PDE3A: variants seen among roughly 807,000 people sequenced by gnomAD.
PDE3A encodes phosphodiesterase 3A, also known as cGMP-inhibited 3',5'-cyclic phosphodiesterase 3A.
PDE3A carries 43 observed loss-of-function variants against 98.3 expected under a neutral mutation model. That is an observed-to-expected ratio of 0.44 (90% CI 0.34 to 0.56). The LOEUF is 0.56. Ranked by LOEUF, PDE3A falls within the 20% of genes least tolerant of loss-of-function variation. PDE3A has a pLI of 0.01. For missense variants in PDE3A, 1,427 were observed against 1,440.7 expected, an observed-to-expected ratio of 0.99 and a Z score of 0.15; for synonymous variants, 663 against 567.9, an observed-to-expected ratio of 1.17 and a Z score of -2.38.
chr12:20,515,602 C>T (rs1198625721), intron 1 of PDE3A, among the ~76,000 whole-genome samples: 1 of 152,192 alleles, frequency 6.6e-6, no homozygotes, highest in Non-Finnish European at 1.5e-5. Context: ...AATAAACTGA[C>T]CTTCCACTGG....
intron 1 of PDE3A, among the ~76,000 whole-genome samples, chr12:20,534,248 C>T (rs1206806497): frequency 3.3e-5 from 5 of 152,202 alleles, no homozygotes; most frequent in Non-Finnish European, 5.9e-5. Context: ...TTTCGTCTCT[C>T]TTACATAACC....
chr12:20,656,805 A>T (rs1437893609), intron 15 of PDE3A, among the ~76,000 whole-genome samples: 1 of 152,212 alleles, frequency 6.6e-6, no homozygotes, highest in Admixed American at 6.5e-5. Flanking sequence ...CATGGAAAAT[A>T]CAGACGCACA....
intron 1 of PDE3A, among the ~76,000 whole-genome samples, chr12:20,422,157 T>A (rs371486168): frequency 6.6e-6 from 1 of 152,096 alleles, no homozygotes; most frequent in South Asian, 2.1e-4. Context: ...CCATCCTGGC[T>A]AACACGGTGA....
At chr12:20,451,862 A>G (rs1281483789) in intron 1 of PDE3A, among the ~76,000 whole-genome samples, 1 of 152,126 alleles carries the variant, frequency 6.6e-6, no homozygotes, top group Non-Finnish European at 1.5e-5. Context: ...CATGGCACAC[A>G]GTTGTTTATT....
At chr12:20,604,676 TA>T (rs1943670430) in intron 2 of PDE3A, among the ~76,000 whole-genome samples, 1 of 152,196 alleles carries the variant, frequency 6.6e-6, no homozygotes, top group Admixed American at 6.5e-5. Context: ...CTGGGAATTT[TA>T]AAAAGTTTTT....
At chr12:20,472,034 T>A (rs1192521991) in intron 1 of PDE3A, among the ~76,000 whole-genome samples, 1 of 152,146 alleles carries the variant, frequency 6.6e-6, no homozygotes, top group African/African-American at 2.4e-5. Flanking sequence ...GGCAGCTACA[T>A]CCCCACCCTC....
rs146872420 is a variant in PDE3A, at chr12:20,528,594, G to A, written c.961-28066G>A. Among the ~76,000 whole-genome samples the A allele has an allele frequency of 5.1e-4, 77 of 152,272 alleles. 2 individuals carry two copies. In the East Asian group the frequency reaches 0.015, roughly 29 times the overall value. On this transcript the variant is annotated intron_variant, in intron 1 of 15. Transcript: ENST00000359062. ...GGCCATTGTCTTCCTAGTACTTACT[G>A]CATCTACAATAATTTAGTCATAAGA... is the stretch of plus-strand genomic sequence containing the variant.
At position 20,577,936 on chromosome 12, in the gene PDE3A, C is replaced by T. The variant is rs149504476; in HGVS notation, c.1011+21226C>T. ...TGGGAAGGAAGTAGAGGTGTGAATT[C>T]GGAAACAAGCTAGTAACAAACGTAG... On this transcript the variant is annotated intron_variant, in intron 2 of 15. Transcript: ENST00000359062. 2.5e-3 allele frequency among the ~76,000 whole-genome samples: 380 copies of T among 152,164 alleles called. 3 individuals are homozygous for T. Among genetic ancestry groups the T allele is most frequent in the Middle Eastern group, 0.01 (3 of 294 alleles).
At chr12:20,654,582 C>T (rs558394898) in intron 15 of PDE3A, among the ~76,000 whole-genome samples, 9 of 151,824 alleles carry the variant, frequency 5.9e-5, no homozygotes, top group Admixed American at 3.3e-4. Context: ...CTGCAAGCTC[C>T]GCCTCCCAGG....
At chr12:20,440,769 C>T (rs1310412246) in intron 1 of PDE3A, among the ~76,000 whole-genome samples, 2 of 152,138 alleles carry the variant, frequency 1.3e-5, no homozygotes, top group Non-Finnish European at 2.9e-5. Flanking sequence ...TGTGATCTAA[C>T]TCATTGTGGA....
chr12:20,618,807 T>C (rs767976317), intron 4 of PDE3A, among the ~76,000 whole-genome samples: 2 of 152,070 alleles, frequency 1.3e-5, no homozygotes, highest in Non-Finnish European at 2.9e-5. Flanking sequence ...AATTGACCCC[T>C]GCCTGTGTAT....
intron 15 of PDE3A, among the ~76,000 whole-genome samples, chr12:20,662,363 T>G (rs1028655986): frequency 6.6e-6 from 1 of 152,090 alleles, no homozygotes; most frequent in Non-Finnish European, 1.5e-5. Context: ...TAAAAGTCAC[T>G]CTTGTTTTGC....
At chr12:20,540,403 G>A (rs1382454658) in intron 1 of PDE3A, among the ~76,000 whole-genome samples, 2 of 152,080 alleles carry the variant, frequency 1.3e-5, no homozygotes, top group African/African-American at 2.4e-5. Context: ...CTATGCCCTT[G>A]AAGTTGTTAT....
chr12:20,381,265 G>A (rs1342298214), intron 1 of PDE3A, among the ~76,000 whole-genome samples: 4 of 151,678 alleles, frequency 2.6e-5, no homozygotes, highest in Admixed American at 6.6e-5. Context: ...ACTAAACACC[G>A]ATTAAGTAAG....
intron 1 of PDE3A, among the ~76,000 whole-genome samples, chr12:20,454,897 T>C (rs1945129367): frequency 6.6e-6 from 1 of 152,212 alleles, no homozygotes; most frequent in Non-Finnish European, 1.5e-5. Flanking sequence ...GTTGATTCCA[T>C]GTCTTTGCTA....
In PDE3A at chr12:20,546,553, T is replaced by C. The variant is rs534902120; in HGVS notation, c.961-10107T>C. On this transcript the variant is annotated intron_variant, in intron 1 of 15. Transcript: ENST00000359062. ...CTGCAGAGAGCAAATATAGGTAGCA[T>C]AGAAATTAAGGAAAAAGAGTATGCC... Among the ~76,000 whole-genome samples, 15 of 152,084 alleles carry C rather than the reference T, an allele frequency of 9.9e-5. No homozygotes were observed. The South Asian group carries it at 2.9e-3, about 29-fold the overall frequency.
chr12:20,600,670 G>A (rs1436449520), intron 2 of PDE3A, among the ~76,000 whole-genome samples: 1 of 152,138 alleles, frequency 6.6e-6, no homozygotes, highest in Admixed American at 6.5e-5. Flanking sequence ...ATTGCTTTTT[G>A]TGTCAGTACT....
intron 1 of PDE3A, among the ~76,000 whole-genome samples, chr12:20,532,163 T>A (rs182153086): frequency 6.6e-6 from 1 of 152,228 alleles, no homozygotes; most frequent in Admixed American, 6.5e-5. Context: ...GAGTCATCTT[T>A]ATGAAAAGCT....
chr12:20,382,614 G>C (rs1269840178), intron 1 of PDE3A, among the ~76,000 whole-genome samples: 1 of 151,848 alleles, frequency 6.6e-6, no homozygotes, highest in African/African-American at 2.4e-5. Context: ...ATGTTAAATA[G>C]AAAGAATATA....
Sources: gnomAD v4.1 joint callset for allele counts (sites outside exome capture counted in the v4.1 genomes callset) on GRCh38, gnomAD v4.1.1 for gene constraint, MANE v1.5 for transcripts, NCBI Gene and HGNC (gene_info 2026-07-23, HGNC 2026-07-21) for gene names.